Variants in WWOX observed in about 807,000 individuals in gnomAD.
The protein encoded by WWOX is WW domain-containing oxidoreductase.
In WWOX, 69 loss-of-function variants were observed where a neutral mutation model predicts 46.2. The ratio of observed to expected loss-of-function variants is 1.49; its 90% CI spans 1.23 to 1.82. The LOEUF is 1.82. Ranked by LOEUF, WWOX falls within the 40% of genes most tolerant of loss-of-function variation. The pLI is 0.00. For synonymous variants in WWOX, 359 were observed against 202.6 expected, an observed-to-expected ratio of 1.77 and a Z score of -6.56; for missense variants, 919 against 542.6, an observed-to-expected ratio of 1.69 and a Z score of -6.89.
chr16:78,230,266 A>G (rs1198117790), intron 5 of WWOX, among the ~76,000 whole-genome samples: 1 of 152,198 alleles, frequency 6.6e-6, no homozygotes, highest in Non-Finnish European at 1.5e-5. Flanking sequence ...CAGAGTCACA[A>G]ACAGTGAGAA....
chr16:79,033,890 C>T (rs1043165820), intron 8 of WWOX, among the ~76,000 whole-genome samples: 1 of 152,196 alleles, frequency 6.6e-6, no homozygotes, highest in Admixed American at 6.5e-5. Context: ...GACTGTCTGT[C>T]GCACCATCAA....
At chr16:78,836,425 C>T (rs1006470568) in intron 8 of WWOX, among the ~76,000 whole-genome samples, 3 of 152,120 alleles carry the variant, frequency 2.0e-5, no homozygotes, top group Non-Finnish European at 4.4e-5. Flanking sequence ...GAAACTTATT[C>T]CCGCAAGGAC....
At chr16:79,120,931 G>C (rs940866144) in intron 8 of WWOX, among the ~76,000 whole-genome samples, 1 of 152,168 alleles carries the variant, frequency 6.6e-6, no homozygotes, top group Non-Finnish European at 1.5e-5. Flanking sequence ...ACCATGCCCG[G>C]TCAATTTTTG....
intron 8 of WWOX, among the ~76,000 whole-genome samples, chr16:79,012,488 G>A (rs1463683421): frequency 6.6e-6 from 1 of 152,104 alleles, no homozygotes; most frequent in Non-Finnish European, 1.5e-5. Context: ...GCCCACCTTA[G>A]CCTCCTAAAG....
At chr16:78,801,576 A>G (rs189701077) in intron 8 of WWOX, among the ~76,000 whole-genome samples, 8 of 152,328 alleles carry the variant, frequency 5.3e-5, no homozygotes, top group African/African-American at 1.7e-4. Flanking sequence ...ATTTGAATGC[A>G]GCCAAAGTCC....
chr16:78,788,732 AG>A, intron 8 of WWOX, among the ~76,000 whole-genome samples: 1 of 152,200 alleles, frequency 6.6e-6, no homozygotes, highest in Admixed American at 6.5e-5. Flanking sequence ...AAACCCAAAG[AG>A]GGGGTTATGG....
chr16:78,124,080 G>A (rs1272739442), intron 4 of WWOX: 2 of 152,004 alleles, frequency 1.3e-5, no homozygotes, highest in Admixed American at 6.6e-5. Context: ...GGCCCAGAAA[G>A]GAATACACTT....
At chr16:78,130,575 C>G (rs1477580075) in intron 4 of WWOX, among the ~76,000 whole-genome samples, 3 of 152,198 alleles carry the variant, frequency 2.0e-5, no homozygotes, top group Non-Finnish European at 4.4e-5. Flanking sequence ...TTCCTATAGG[C>G]TGACCCCCTG....
chr16:78,592,766 G>A (rs1429669359), intron 8 of WWOX, among the ~76,000 whole-genome samples: 4 of 152,140 alleles, frequency 2.6e-5, no homozygotes, highest in Non-Finnish European at 5.9e-5. Flanking sequence ...TTCTGGCCCT[G>A]GGCTGGGGTG....
At chr16:78,980,565 C>T (rs12444526) in intron 8 of WWOX, among the ~76,000 whole-genome samples, 48,084 of 152,046 alleles carry the variant, frequency 0.32, 8,827 homozygotes, top group Non-Finnish European at 0.42. Flanking sequence ...TTTTACGAAG[C>T]GTTTTCTTTT....
intron 8 of WWOX, among the ~76,000 whole-genome samples, chr16:78,441,190 G>A (rs2083437238): frequency 6.6e-6 from 1 of 152,126 alleles, no homozygotes. Flanking sequence ...CCAAAGTGCT[G>A]GGATTACAGA....
intron 8 of WWOX, among the ~76,000 whole-genome samples, chr16:78,713,628 T>G (rs911655431): frequency 6.6e-6 from 1 of 152,130 alleles, no homozygotes; most frequent in Non-Finnish European, 1.5e-5. Flanking sequence ...TTCATATGCA[T>G]GGAGGAAAGA....
intron 8 of WWOX, among the ~76,000 whole-genome samples, chr16:79,103,431 C>G (rs1332383655): frequency 6.6e-6 from 1 of 152,174 alleles, no homozygotes; most frequent in East Asian, 1.9e-4. Flanking sequence ...GGGGCTCAAG[C>G]ACAACCACAA....
chr16:78,983,053 C>T (rs147286426), intron 8 of WWOX, among the ~76,000 whole-genome samples: 35 of 152,228 alleles, frequency 2.3e-4, no homozygotes, highest in South Asian at 1.0e-3. Context: ...TGTGGGTCTC[C>T]TGTAGTCTGA....
At chr16:78,569,507 A>G (rs1567651188) in intron 8 of WWOX, among the ~76,000 whole-genome samples, 2 of 152,224 alleles carry the variant, frequency 1.3e-5, no homozygotes, top group East Asian at 1.9e-4. Flanking sequence ...CGTAACTGCA[A>G]TTTTATCGGC....
At chr16:78,972,193 A>G (rs1340551623) in intron 8 of WWOX, among the ~76,000 whole-genome samples, 7 of 152,152 alleles carry the variant, frequency 4.6e-5, no homozygotes, top group Admixed American at 1.3e-4. Flanking sequence ...CTCCCTGGCC[A>G]TCAGCTGCCG....
intron 8 of WWOX, among the ~76,000 whole-genome samples, chr16:78,864,882 C>T (rs780339086): frequency 6.6e-6 from 1 of 150,536 alleles, no homozygotes; most frequent in Non-Finnish European, 1.5e-5. Flanking sequence ...CCTGCTTCAG[C>T]CCCCCGAGTA....
chr16:78,483,129 T>C (rs2084537229), intron 8 of WWOX, among the ~76,000 whole-genome samples: 1 of 152,198 alleles, frequency 6.6e-6, no homozygotes, highest in South Asian at 2.1e-4. Flanking sequence ...GCTCTCGATA[T>C]GCATGAGTGT....
In WWOX at chr16:78,745,084, A is replaced by G. The variant is rs1206336525; in HGVS notation, c.1056+312332A>G. 2.6e-5 allele frequency among the ~76,000 whole-genome samples: 4 copies of G among 152,156 alleles called. No homozygotes were observed. In the East Asian group the frequency reaches 7.7e-4, roughly 29 times the overall value. On this transcript the variant is annotated intron_variant, in intron 8 of 8. Coordinates refer to ENST00000566780, the MANE Select transcript of WWOX (RefSeq NM_016373.4). ...TATTGATGAAGAAATGGAGATCTCA[A>G]GAGGTAAAAAAAACTGACTATAGGA... is the stretch of plus-strand genomic sequence containing the variant.
Sources: gnomAD v4.1 joint callset for allele counts (sites outside exome capture counted in the v4.1 genomes callset) on GRCh38, gnomAD v4.1.1 for gene constraint, MANE v1.5 for transcripts, NCBI Gene and HGNC (gene_info 2026-07-23, HGNC 2026-07-21) for gene names.